ADGRL3: variants seen among roughly 807,000 people sequenced by gnomAD.
The protein encoded by ADGRL3 is calcium-independent alpha-latrotoxin receptor 3.
A neutral mutation model predicts 153.5 loss-of-function variants in ADGRL3; 62 were observed. The observed-to-expected ratio is 0.40, with a 90% CI of 0.33 to 0.50. The LOEUF is 0.50. ADGRL3 is among the 20% of genes least tolerant of loss of function. The pLI, the probability that ADGRL3 is intolerant of heterozygous loss-of-function variation, is 0.47. For missense variants in ADGRL3, 1,641 were observed against 1,859.4 expected (o/e 0.88, Z 2.16); for synonymous variants, 710 against 672.5 (o/e 1.06, Z -0.86).
At chr4:61,400,817 C>CAA (rs67512824) in intron 2 of ADGRL3, among the ~76,000 whole-genome samples, 3 of 114,556 alleles carry the variant, frequency 2.6e-5, no homozygotes, top group African/African-American at 9.6e-5. Context: ...GCTAAAGTTA[C>CAA]AAAAAAAAAA....
chr4:62,019,659 A>G (rs961823096), intron 21 of ADGRL3, among the ~76,000 whole-genome samples: 2 of 152,140 alleles, frequency 1.3e-5, no homozygotes, highest in Non-Finnish European at 1.5e-5. Context: ...CAGAATTGAG[A>G]TAGAGCTCTT....
chr4:61,453,912 C>T (rs146300066), intron 2 of ADGRL3, among the ~76,000 whole-genome samples: 30 of 152,018 alleles, frequency 2.0e-4, no homozygotes, highest in African/African-American at 7.0e-4. Context: ...TGCCTAAGTA[C>T]CTGTCCACAA....
chr4:61,600,106 G>A (rs990824625), intron 5 of ADGRL3, among the ~76,000 whole-genome samples: 8 of 151,876 alleles, frequency 5.3e-5, no homozygotes, highest in Admixed American at 2.0e-4. Context: ...TCAGGAGATC[G>A]AGACCATCCT....
At chr4:61,857,003 T>TC (rs1561368367) in intron 9 of ADGRL3, among the ~76,000 whole-genome samples, 2 of 132,192 alleles carry the variant, frequency 1.5e-5, no homozygotes, top group African/African-American at 6.1e-5. Context: ...TTTCTTTCTT[T>TC]CTTTCTTTCT....
intron 2 of ADGRL3, among the ~76,000 whole-genome samples, chr4:61,473,440 A>G (rs531430567): frequency 3.9e-5 from 6 of 152,198 alleles, no homozygotes; most frequent in East Asian, 3.9e-4. Flanking sequence ...TAGGCAGTGA[A>G]TATATAGTTA....
chr4:62,011,338 A>G (rs1318218589), intron 21 of ADGRL3, among the ~76,000 whole-genome samples: 1 of 152,196 alleles, frequency 6.6e-6, no homozygotes, highest in Non-Finnish European at 1.5e-5. Context: ...AAGTGGATAT[A>G]TGTGGAGAAA....
At chr4:61,505,070 C>T (rs2098418510) in intron 3 of ADGRL3, among the ~76,000 whole-genome samples, 1 of 152,018 alleles carries the variant, frequency 6.6e-6, no homozygotes, top group Non-Finnish European at 1.5e-5. Context: ...ATATTCCCAC[C>T]GACAGACAAA....
At chr4:61,997,876 A>G (rs1435976098) in intron 20 of ADGRL3, among the ~76,000 whole-genome samples, 1 of 152,206 alleles carries the variant, frequency 6.6e-6, no homozygotes, top group South Asian at 2.1e-4. Flanking sequence ...TTGTTTTGAC[A>G]TGCACTAGAC....
At chr4:61,787,959 G>T (rs1229768544) in intron 8 of ADGRL3, among the ~76,000 whole-genome samples, 1 of 152,066 alleles carries the variant, frequency 6.6e-6, no homozygotes, top group East Asian at 1.9e-4. Flanking sequence ...AAGCAATAAG[G>T]TTAAGAATGC....
At chr4:61,425,214 G>A (rs2097262162) in intron 2 of ADGRL3, 1 of 152,390 alleles carries the variant, frequency 6.6e-6, no homozygotes, top group African/African-American at 2.4e-5. Flanking sequence ...GGCACTATGT[G>A]TTCCCCTGCT....
intron 17 of ADGRL3, among the ~76,000 whole-genome samples, chr4:61,960,573 A>G (rs1037745930): frequency 6.6e-6 from 1 of 152,228 alleles, no homozygotes; most frequent in Non-Finnish European, 1.5e-5. Context: ...TTATAAATAC[A>G]TAACATATTT....
intron 1 of ADGRL3, among the ~76,000 whole-genome samples, chr4:61,346,532 G>A (rs539504502): frequency 3.3e-5 from 5 of 151,940 alleles, no homozygotes; most frequent in African/African-American, 1.2e-4. Flanking sequence ...GGGAGGCATA[G>A]GTGGGAAGAT....
At chr4:61,369,871 G>C (rs1046402118) in intron 1 of ADGRL3, among the ~76,000 whole-genome samples, 4 of 151,942 alleles carry the variant, frequency 2.6e-5, no homozygotes, top group Admixed American at 6.6e-5. Context: ...GACTCTTTTT[G>C]GTTGGTAAGC....
At chr4:61,840,053 C>A (rs1046310409) in intron 9 of ADGRL3, among the ~76,000 whole-genome samples, 1 of 151,212 alleles carries the variant, frequency 6.6e-6, no homozygotes, top group African/African-American at 2.4e-5. Context: ...AATGAATTAA[C>A]CATCAACTAG....
intron 21 of ADGRL3, among the ~76,000 whole-genome samples, chr4:62,025,638 G>A (rs1040805390): frequency 3.3e-5 from 5 of 152,010 alleles, no homozygotes; most frequent in African/African-American, 7.2e-5. Context: ...ATACAGATGC[G>A]TTAGTATATA....
chr4:61,736,968 T>G (rs1194255107), intron 8 of ADGRL3, among the ~76,000 whole-genome samples: 1 of 152,212 alleles, frequency 6.6e-6, no homozygotes, highest in Non-Finnish European at 1.5e-5. Flanking sequence ...GCATGCATGA[T>G]ATGTGCTGAT....
At chr4:61,781,502 G>C (rs2345045) in intron 8 of ADGRL3, among the ~76,000 whole-genome samples, 85,554 of 151,976 alleles carry the variant, frequency 0.56, 26,489 homozygotes, top group African/African-American at 0.82. Context: ...GGCTTAGTGA[G>C]TTAGGGTGAG....
intron 2 of ADGRL3, among the ~76,000 whole-genome samples, chr4:61,390,761 C>T (rs575952087): frequency 3.2e-4 from 49 of 151,982 alleles, no homozygotes; most frequent in African/African-American, 1.1e-3. Flanking sequence ...TAATTTTTAC[C>T]ACAATTAGGA....
At chr4:61,820,075 C>T (rs1293932074) in intron 9 of ADGRL3, among the ~76,000 whole-genome samples, 3 of 151,914 alleles carry the variant, frequency 2.0e-5, no homozygotes, top group Non-Finnish European at 4.4e-5. Context: ...ATTTGTTTAC[C>T]ATAGTCACAG....
Sources: allele counts gnomAD v4.1 joint callset (sites outside exome capture counted in the v4.1 genomes callset), GRCh38; gene constraint gnomAD v4.1.1; transcripts MANE v1.5; gene names NCBI Gene and HGNC (gene_info 2026-07-23, HGNC 2026-07-21).